WRN: variants seen among roughly 807,000 people sequenced by gnomAD.
WRN encodes bifunctional 3'-5' exonuclease/ATP-dependent helicase WRN.
In WRN, 149 loss-of-function variants were observed where a neutral mutation model predicts 180.7. The ratio of observed to expected loss-of-function variants is 0.82; its 90% confidence interval spans 0.72 to 0.94. WRN has a LOEUF of 0.94. WRN is among the 40% of genes least tolerant of loss of function. The pLI is 0.00. For synonymous variants in WRN, 548 were observed against 568.9 expected (o/e 0.96, Z 0.52); for missense variants, 1,661 against 1,700.1 (o/e 0.98, Z 0.40).
intron 13 of WRN, 84 bp downstream of exon 13, chr8:31,089,049 C>A: frequency 8.7e-7 from 1 of 1,152,630 alleles, no homozygotes; most frequent in Non-Finnish European, 1.3e-6. Context: ...GTCTGCTTAA[C>A]AGCAACAGCA....
In WRN at chr8:31,154,632, C is replaced by T; in HGVS notation, c.3696C>T (p.Leu1232=). The T allele has an allele frequency of 6.2e-7, 1 of 1,612,574 alleles. No individual in the cohort carries two copies. The highest frequency in any genetic ancestry group is 1.1e-5 in the South Asian group (1 of 90,978). The change falls in exon 32 of 35, where the codon CTC becomes CTT. Residue 1232 remains leucine, a synonymous_variant. Transcript: ENST00000298139. The stretch of plus-strand genomic sequence containing the variant: ...CATTAAAAATTCTGTAGACAGACCT[C>T]TTTTCAAGTACAAAACCTCAAGAAG... ...FCQTNSVQTD[L]FSSTKPQEEQ...
intron 33 of WRN, among the ~76,000 whole-genome samples, chr8:31,162,252 T>A (rs1179815477): frequency 1.3e-5 from 2 of 152,222 alleles, no homozygotes; most frequent in East Asian, 3.8e-4. Context: ...CCTTCTTCTC[T>A]AAGATTTTTT....
At chr8:31,091,926 A>G (rs1813763021) in intron 16 of WRN, 28 bp downstream of exon 16, 3 of 1,608,548 alleles carry the variant, frequency 1.9e-6, no homozygotes, top group Non-Finnish European at 2.6e-6. Flanking sequence ...CTCAACTTTT[A>G]TTTTGGATTT....
At position 31,124,956 on chromosome 8, in the gene WRN, G is replaced by A; in HGVS notation, c.2781G>A (p.Leu927=). ...FEDKQVQKAS[L]GIMGTEKCCD... is the part of the protein sequence containing the mutation. ...ACAAACAAGTACAAAAAGCCTCCTT[G>A]GGAATTATGGGAACTGAAAAATGCT... Residue 927 remains leucine (L), a synonymous_variant, in exon 23 of 35, where the codon TTG becomes TTA. Transcript: ENST00000298139. 2 of 1,613,052 alleles carry A rather than the reference G, an allele frequency of 1.2e-6. No individual in the cohort carries two copies. The highest frequency in any genetic ancestry group is 2.2e-5 in the East Asian group (1 of 44,726).
At chr8:31,124,466 A>G (rs1801841426) in intron 21 of WRN, 56 bp from the exon 22 acceptor site, 37 of 1,330,690 alleles carry the variant, frequency 2.8e-5, no homozygotes, top group Non-Finnish European at 3.7e-5. Flanking sequence ...TAAAAAAAAA[A>G]GTAAGAAAGT....
intron 28 of WRN, among the ~76,000 whole-genome samples, chr8:31,145,398 T>C (rs1338118044): frequency 2.0e-5 from 3 of 152,218 alleles, no homozygotes; most frequent in Non-Finnish European, 4.4e-5. Flanking sequence ...GCTACATACA[T>C]GTAACAACAA....
intron 23 of WRN, among the ~76,000 whole-genome samples, chr8:31,127,761 A>C (rs1006184657): frequency 2.6e-5 from 4 of 152,070 alleles, no homozygotes; most frequent in Non-Finnish European, 5.9e-5. Flanking sequence ...AAAATAAAAA[A>C]TAAATAAAAA....
chr8:31,101,867 A>G (rs1289169496), intron 18 of WRN, among the ~76,000 whole-genome samples: 3 of 151,968 alleles, frequency 2.0e-5, no homozygotes, highest in Non-Finnish European at 4.4e-5. Flanking sequence ...GAATGGTTTA[A>G]AAACCCACAA....
At chr8:31,083,621 T>C (rs1156249542) in intron 9 of WRN, 78 bp from the exon 10 acceptor site, 32 of 1,037,566 alleles carry the variant, frequency 3.1e-5, no homozygotes, top group Admixed American at 7.4e-5. Flanking sequence ...ATATCTAGTA[T>C]ATAGGAGCTT....
chr8:31,065,770 C>G (rs562704859), intron 5 of WRN, among the ~76,000 whole-genome samples: 84 of 152,004 alleles, frequency 5.5e-4, no homozygotes, highest in Admixed American at 4.3e-3. Context: ...AATGGGATTG[C>G]TGGGGCAAAT....
At chr8:31,052,544 TGTCCA>T (rs1298539331) in intron 1 of WRN, among the ~76,000 whole-genome samples, 3 of 152,004 alleles carry the variant, frequency 2.0e-5, no homozygotes, top group Non-Finnish European at 4.4e-5. Flanking sequence ...TGCACCACCA[TGTCCA>T]GCTAATTTTT....
intron 23 of WRN, among the ~76,000 whole-genome samples, chr8:31,128,410 A>G (rs970971993): frequency 6.6e-6 from 1 of 152,166 alleles, no homozygotes; most frequent in African/African-American, 2.4e-5. Flanking sequence ...TGTATATAAC[A>G]CACTGGGCTA....
At chr8:31,043,789 C>T (rs1811744492) in intron 1 of WRN, among the ~76,000 whole-genome samples, 1 of 152,122 alleles carries the variant, frequency 6.6e-6, no homozygotes, top group Non-Finnish European at 1.5e-5. Context: ...CCTTCATATG[C>T]CTGACCTCAG....
chr8:31,142,144 C>T (rs1456560373), intron 26 of WRN, among the ~76,000 whole-genome samples: 1 of 152,002 alleles, frequency 6.6e-6, no homozygotes, highest in Non-Finnish European at 1.5e-5. Context: ...ACAGGGTCTT[C>T]TAGTGCTTCC....
intron 31 of WRN, 132 bp from the exon 32 acceptor site, chr8:31,154,492 A>G: frequency 1.8e-6 from 2 of 1,108,344 alleles, no homozygotes; most frequent in Non-Finnish European, 2.5e-6. Context: ...TGAGCTCCCC[A>G]TAAAAAGGGA....
intron 1 of WRN, among the ~76,000 whole-genome samples, chr8:31,043,170 G>T (rs1476993798): frequency 6.6e-6 from 1 of 152,186 alleles, no homozygotes; most frequent in Admixed American, 6.5e-5. Context: ...CTTCAGGGTG[G>T]TTTCTTGTAT....
At chr8:31,172,412 C>CT (rs985785907) in intron 34 of WRN, among the ~76,000 whole-genome samples, 7 of 152,106 alleles carry the variant, frequency 4.6e-5, no homozygotes, top group Non-Finnish European at 8.8e-5. Context: ...GTATGTTTCT[C>CT]TTTTTTTCTG....
chr8:31,058,399 AC>A lies in WRN; in HGVS notation c.-46del, dbSNP rs1812355965. The A allele has an allele frequency of 1.3e-6, 2 of 1,485,634 alleles. No homozygotes were observed. Among genetic ancestry groups the A allele is most frequent in the African/African-American group, 1.4e-5 (1 of 72,228 alleles). 92.0% of individuals were successfully genotyped at this position (1,485,634 alleles called of 1,614,324 possible). On this transcript the variant is annotated 5_prime_UTR_variant, in exon 2 of 35. It introduces an in-frame stop codon into an upstream open reading frame of the 5' UTR. Coordinates refer to ENST00000298139, the MANE Select transcript of WRN (RefSeq NM_000553.6). ...TTCTTTCAGATATTGTTTTGTATTT[AC>A]CCATGAAGACATTGTTTTTTGGACT...
intron 19 of WRN, among the ~76,000 whole-genome samples, chr8:31,112,292 C>A (rs1378940342): frequency 6.6e-6 from 1 of 152,050 alleles, no homozygotes; most frequent in Non-Finnish European, 1.5e-5. Context: ...TAAAATGACT[C>A]TTTCATCTGA....
Sources: gnomAD v4.1 joint callset for allele counts (sites outside exome capture counted in the v4.1 genomes callset) on GRCh38, gnomAD v4.1.1 for gene constraint, MANE v1.5 for transcripts, NCBI Gene and HGNC (gene_info 2026-07-23, HGNC 2026-07-21) for gene names.